Variants in CNTN5 observed in about 807,000 individuals in gnomAD.
CNTN5 encodes the protein contactin-5.
In CNTN5, 77 loss-of-function variants were observed where a neutral mutation model predicts 129.1. The ratio of observed to expected loss-of-function variants is 0.60; its 90% CI spans 0.50 to 0.72. The LOEUF (loss-of-function observed/expected upper bound fraction) is 0.72, where lower values mean the gene tolerates loss of function less well. Among genes scored for constraint, CNTN5 ranks in the 30% least tolerant of loss-of-function variants. CNTN5 has a pLI of 0.00. For synonymous variants in CNTN5, 509 were observed against 465.6 expected (o/e 1.09, Z -1.20); for missense variants, 1,478 against 1,328.8 (o/e 1.11, Z -1.75).
chr11:99,521,417 G>A (rs917586472), intron 2 of CNTN5, among the ~76,000 whole-genome samples: 7 of 152,076 alleles, frequency 4.6e-5, no homozygotes, highest in African/African-American at 1.7e-4. Flanking sequence ...AAATAATTTA[G>A]AAGGAAATAC....
intron 9 of CNTN5, among the ~76,000 whole-genome samples, chr11:100,060,243 G>A (rs556271559): frequency 3.3e-5 from 5 of 150,476 alleles, no homozygotes; most frequent in African/African-American, 9.7e-5. Flanking sequence ...AAAAACCTCC[G>A]CTGCTTTCAA....
At chr11:100,077,347 A>G (rs1944172224) in intron 13 of CNTN5, among the ~76,000 whole-genome samples, 1 of 152,186 alleles carries the variant, frequency 6.6e-6, no homozygotes, top group African/African-American at 2.4e-5. Context: ...TGCCCCACTC[A>G]TCCAACCTAC....
intron 9 of CNTN5, among the ~76,000 whole-genome samples, chr11:100,042,422 C>T (rs957904973): frequency 1.2e-4 from 18 of 151,952 alleles, no homozygotes; most frequent in Admixed American, 7.9e-4. Context: ...TATATATTTT[C>T]ACATCAGATG....
intron 2 of CNTN5, among the ~76,000 whole-genome samples, chr11:99,451,351 G>A (rs17663340): frequency 0.11 from 16,474 of 152,098 alleles, 1,190 homozygotes; most frequent in Non-Finnish European, 0.17. Context: ...CACATTAGCC[G>A]ATTCTAAGAA....
At chr11:99,995,913 A>G (rs554553933) in intron 8 of CNTN5, among the ~76,000 whole-genome samples, 1 of 152,188 alleles carries the variant, frequency 6.6e-6, no homozygotes, top group South Asian at 2.1e-4. Context: ...CCACCTCTAA[A>G]TGACTGTAGG....
At chr11:100,308,218 T>C (rs745879419) in intron 20 of CNTN5, 141 bp from the exon 21 acceptor site, 64 of 666,722 alleles carry the variant, frequency 9.6e-5, no homozygotes, top group Non-Finnish European at 1.5e-4. Context: ...ATCACCTTTA[T>C]ATTTTGTTGT....
At chr11:99,679,104 A>G (rs1197044949) in intron 3 of CNTN5, among the ~76,000 whole-genome samples, 5 of 146,648 alleles carry the variant, frequency 3.4e-5, no homozygotes, top group African/African-American at 1.2e-4. Context: ...ACACATATAT[A>G]GGAAATATAT....
chr11:99,767,302 G>C (rs918240950), intron 3 of CNTN5, among the ~76,000 whole-genome samples: 4 of 152,068 alleles, frequency 2.6e-5, no homozygotes, highest in South Asian at 2.1e-4. Context: ...ATCAGAGAGA[G>C]AGAGAGAGAC....
At chr11:99,330,463 AT>A in intron 2 of CNTN5, among the ~76,000 whole-genome samples, 1 of 152,278 alleles carries the variant, frequency 6.6e-6, no homozygotes, top group African/African-American at 2.4e-5. Flanking sequence ...AATGGAAATA[AT>A]GATTGCGTAG....
intron 2 of CNTN5, among the ~76,000 whole-genome samples, chr11:99,349,577 C>T (rs1420546295): frequency 6.6e-6 from 1 of 152,036 alleles, no homozygotes; most frequent in African/African-American, 2.4e-5. Context: ...ATAAATACAC[C>T]ATGGTGTAAT....
At chr11:99,441,297 A>G (rs985273141) in intron 2 of CNTN5, among the ~76,000 whole-genome samples, 43 of 152,300 alleles carry the variant, frequency 2.8e-4, no homozygotes, top group African/African-American at 9.9e-4. Flanking sequence ...TTAAACAATT[A>G]CATATGGGAT....
chr11:99,655,958 A>ATG (rs1565395057), intron 3 of CNTN5, among the ~76,000 whole-genome samples: 1 of 152,156 alleles, frequency 6.6e-6, no homozygotes, highest in South Asian at 2.1e-4. Flanking sequence ...ATATACACAC[A>ATG]TATATATACA....
At chr11:99,290,715 T>C (rs536326977) in intron 1 of CNTN5, among the ~76,000 whole-genome samples, 1 of 152,008 alleles carries the variant, frequency 6.6e-6, no homozygotes, top group Non-Finnish European at 1.5e-5. Context: ...AGGTACATCA[T>C]CAGTAAGCTT....
intron 1 of CNTN5, among the ~76,000 whole-genome samples, chr11:99,091,500 T>G (rs1355732170): frequency 2.0e-5 from 3 of 152,132 alleles, no homozygotes; most frequent in Non-Finnish European, 4.4e-5. Flanking sequence ...GACTGGCAAG[T>G]CAGAGAGTTG....
intron 2 of CNTN5, among the ~76,000 whole-genome samples, chr11:99,513,889 T>A (rs2466909): frequency 0.98 from 149,781 of 152,176 alleles, 73,766 homozygotes; most frequent in East Asian, 1. Context: ...AGTAATTTTG[T>A]CTTTTAAGTC....
chr11:99,401,428 C>T (rs1941800467), intron 2 of CNTN5, among the ~76,000 whole-genome samples: 1 of 152,046 alleles, frequency 6.6e-6, no homozygotes, highest in Non-Finnish European at 1.5e-5. Flanking sequence ...TATTCTGTTC[C>T]ATTGATGTAT....
At chr11:99,782,384 T>A (rs1008285704) in intron 3 of CNTN5, among the ~76,000 whole-genome samples, 1 of 149,148 alleles carries the variant, frequency 6.7e-6, no homozygotes, top group African/African-American at 2.5e-5. Flanking sequence ...ATCAATATCG[T>A]GAAAATGGCC....
At chr11:99,439,638 G>T (rs542712005) in intron 2 of CNTN5, among the ~76,000 whole-genome samples, 18 of 150,060 alleles carry the variant, frequency 1.2e-4, no homozygotes, top group Non-Finnish European at 2.1e-4. Flanking sequence ...AACCCGGAAG[G>T]CGGAGGTTGC....
intron 13 of CNTN5, among the ~76,000 whole-genome samples, chr11:100,123,320 A>G (rs1391638962): frequency 6.6e-6 from 1 of 151,976 alleles, no homozygotes; most frequent in Non-Finnish European, 1.5e-5. Flanking sequence ...ACTTTCTTTT[A>G]TATCTCTATA....
Sources: allele counts gnomAD v4.1 joint callset (sites outside exome capture counted in the v4.1 genomes callset), GRCh38; gene constraint gnomAD v4.1.1; transcripts MANE v1.5; gene names NCBI Gene and HGNC (gene_info 2026-07-23, HGNC 2026-07-21).